MEGF6: variants seen among roughly 807,000 people sequenced by gnomAD.
MEGF6 encodes the protein multiple epidermal growth factor-like domains protein 6.
In MEGF6, 184 loss-of-function variants were observed where a neutral mutation model predicts 207.1. That is an observed-to-expected ratio of 0.89 (90% CI 0.79 to 1.00). The LOEUF (loss-of-function observed/expected upper bound fraction) is 1.00. Among genes scored for constraint, MEGF6 ranks in the 50% least tolerant of loss-of-function variants. MEGF6 has a pLI of 0.00. For synonymous variants in MEGF6, 1,038 were observed against 910.0 expected, an observed-to-expected ratio of 1.14 and a Z score of -2.53; for missense variants, 2,282 against 2,202.9, an observed-to-expected ratio of 1.04 and a Z score of -0.72.
At chr1:3,496,591 C>T in intron 29 of MEGF6, 64 bp downstream of exon 29, 1 of 1,545,648 alleles carries the variant, frequency 6.5e-7, no homozygotes, top group South Asian at 1.2e-5. Context: ...CTCCTGCAGG[C>T]TGGCTGGCCC....
At chr1:3,537,256 C>T (rs1387032176) in intron 4 of MEGF6, among the ~76,000 whole-genome samples, 3 of 152,256 alleles carry the variant, frequency 2.0e-5, no homozygotes. Flanking sequence ...AGCCAGGCCC[C>T]TGGGGATGGC....
intron 3 of MEGF6, among the ~76,000 whole-genome samples, chr1:3,591,936 A>C (rs2101829179): frequency 6.6e-6 from 1 of 152,192 alleles, no homozygotes; most frequent in East Asian, 1.9e-4. Context: ...CCTGGAGGGA[A>C]CTGAGCCCAG....
At chr1:3,539,101 TAG>T (rs1237365558) in intron 4 of MEGF6, among the ~76,000 whole-genome samples, 1 of 151,470 alleles carries the variant, frequency 6.6e-6, no homozygotes, top group Non-Finnish European at 1.5e-5. Flanking sequence ...GGGTGAGGGG[TAG>T]AGGATCAGGG....
chr1:3,500,533 G>A lies in MEGF6; in HGVS notation c.2707+100C>T, dbSNP rs116219328. Reference sequence around the variant, plus strand: ...CAAAGGCTTCGTGTGTGTGCGTGCAGGAGGGAGTACGGTCAAAGGCTTTGT... The same window carrying A: ...CAAAGGCTTCGTGTGTGTGCGTGCAAGAGGGAGTACGGTCAAAGGCTTTGT... On this transcript the variant is annotated intron_variant, in intron 21 of 36. Coordinates refer to ENST00000356575, the MANE Select transcript of MEGF6 (RefSeq NM_001409.4). 2.1e-3 allele frequency: 2,982 copies of A among 1,436,036 alleles called. 53 individuals are homozygous for A. In the African/African-American group the frequency reaches 0.037, roughly 18 times the overall value. The allele number at this position is 1,436,036 out of a possible 1,614,324, so 89.0% of individuals were successfully genotyped here. A position where few individuals can be genotyped will look rare whatever the true frequency, so the allele number is the denominator to read the frequency against.
chr1:3,562,682 G>A (rs1384886387), intron 4 of MEGF6, among the ~76,000 whole-genome samples: 1 of 152,212 alleles, frequency 6.6e-6, no homozygotes, highest in Admixed American at 6.5e-5. Flanking sequence ...AACCCCCCAG[G>A]TCGGAGAGCC....
At chr1:3,496,588 A>G in intron 29 of MEGF6, 67 bp downstream of exon 29, 1 of 1,543,246 alleles carries the variant, frequency 6.5e-7, no homozygotes, top group Non-Finnish European at 8.7e-7. Context: ...ATCCTCCTGC[A>G]GGCTGGCTGG....
chr1:3,597,578 C>G (rs773312564), intron 2 of MEGF6, among the ~76,000 whole-genome samples: 2 of 152,210 alleles, frequency 1.3e-5, no homozygotes, highest in African/African-American at 4.8e-5. Flanking sequence ...ATGGGGGACC[C>G]TAATCCAGTG....
At chr1:3,605,587 CAT>C (rs1644237179) in intron 1 of MEGF6, among the ~76,000 whole-genome samples, 1 of 151,990 alleles carries the variant, frequency 6.6e-6, no homozygotes, top group Non-Finnish European at 1.5e-5. Flanking sequence ...CACATACACT[CAT>C]ACAATGACAC....
chr1:3,596,612 A>G (rs1644071607), intron 2 of MEGF6, among the ~76,000 whole-genome samples: 1 of 85,564 alleles, frequency 1.2e-5, no homozygotes, highest in Non-Finnish European at 2.3e-5. Context: ...ACCCCAGGGC[A>G]CCCTGCGCCA....
At chr1:3,577,963 C>T (rs911984404) in intron 4 of MEGF6, among the ~76,000 whole-genome samples, 6 of 152,368 alleles carry the variant, frequency 3.9e-5, no homozygotes, top group African/African-American at 7.2e-5. Flanking sequence ...CTGTGCCTGC[C>T]GATGCCCCGG....
rs917799976 is a variant in MEGF6 at position 3,573,902 on chromosome 1, C to G, written c.481+5923G>C. Among the ~76,000 whole-genome samples the G allele has an allele frequency of 3.3e-5, 5 of 152,164 alleles. No individual in the cohort carries two copies. Among genetic ancestry groups the G allele is most frequent in the Non-Finnish European group, 7.4e-5 (5 of 68,012 alleles). On this transcript the variant is annotated intron_variant, in intron 4 of 36. Coordinates refer to ENST00000356575, the MANE Select transcript of MEGF6 (RefSeq NM_001409.4). This position sits in a 1 kb window ranked among gnomAD's most constrained non-coding sequence, Gnocchi z 5.1. Reference sequence around the variant, plus strand: ...TTAATCAATGGTCCCAGTTTAGAAACAGTCGCCCTGAGCCAACGCCAAGGG... The same window carrying G: ...TTAATCAATGGTCCCAGTTTAGAAAGAGTCGCCCTGAGCCAACGCCAAGGG...
At chr1:3,532,380 C>T (rs1013191596) in intron 4 of MEGF6, among the ~76,000 whole-genome samples, 11 of 152,240 alleles carry the variant, frequency 7.2e-5, no homozygotes, top group Non-Finnish European at 1.0e-4. Context: ...CCACTCCTAG[C>T]CTCCATGGAG....
chr1:3,539,386 G>A (rs751790588), intron 4 of MEGF6, among the ~76,000 whole-genome samples: 8 of 152,066 alleles, frequency 5.3e-5, no homozygotes, highest in Non-Finnish European at 8.8e-5. Context: ...CGGGAGAGGG[G>A]GAGGCTCAGG....
chr1:3,501,924 G>A lies in MEGF6; in HGVS notation c.2189-3C>T. ...GCCAAACGTCCCCACCGGGCACTCT[G>A]CAGGAGAAAGCACGAGGGGCCTTAG... is the stretch of plus-strand genomic sequence containing the variant. On this transcript the variant is annotated splice_polypyrimidine_tract_variant and splice_region_variant and intron_variant, in intron 17 of 36. Coordinates refer to ENST00000356575, the MANE Select transcript of MEGF6 (RefSeq NM_001409.4). 6.3e-7 allele frequency: 1 copy of A among 1,575,806 alleles called. No homozygotes were observed. Among genetic ancestry groups the A allele is most frequent in the Non-Finnish European group, 8.6e-7 (1 of 1,161,524 alleles).
intron 4 of MEGF6, among the ~76,000 whole-genome samples, chr1:3,529,590 G>T (rs889483296): frequency 6.6e-6 from 1 of 152,232 alleles, no homozygotes; most frequent in Admixed American, 6.5e-5. Flanking sequence ...CAAGAGAACT[G>T]TCAGCACACT....
At chr1:3,520,318 G>A (rs532276011) in intron 5 of MEGF6, among the ~76,000 whole-genome samples, 5 of 152,356 alleles carry the variant, frequency 3.3e-5, no homozygotes, top group Middle Eastern at 6.8e-3. Flanking sequence ...GGCCTCCAGC[G>A]CAGTGCTAGA....
Position 3,573,302 on chromosome 1 carries a change from A to G in MEGF6, c.481+6523T>C, listed in dbSNP as rs918034569. On this transcript the variant is annotated intron_variant, in intron 4 of 36. Transcript: ENST00000356575. The surrounding 1 kb of genome is among the most constrained non-coding windows in gnomAD (Gnocchi z 5.1). ...AGGTAACCCCTAGTCCTCCTGGGGC[A>G]TGCTAGGATCATTTCTCACACCAGA... Among the ~76,000 whole-genome samples the G allele has an allele frequency of 5.3e-5, 8 of 152,252 alleles. No individual in the cohort carries two copies. Among genetic ancestry groups the G allele is most frequent in the East Asian group, 1.9e-4 (1 of 5,188 alleles).
At chr1:3,613,740 T>A (rs555192906), upstream of MEGF6, among the ~76,000 whole-genome samples, 8 of 152,298 alleles carry the variant, frequency 5.3e-5, no homozygotes, top group East Asian at 1.5e-3. Context: ...TAAGTTATTT[T>A]ACAAAAATAC....
At position 3,611,077 on chromosome 1, in the gene MEGF6, C is replaced by A; in HGVS notation, c.131+61G>T. The stretch of plus-strand genomic sequence containing the variant: ...GCCTCGGAGCTCGGTCCACCACGGG[C>A]CTCCAGAGGCCCCGGGGTCCCTGGA... On this transcript the variant is annotated intron_variant, in intron 1 of 36. Coordinates refer to ENST00000356575, the MANE Select transcript of MEGF6 (RefSeq NM_001409.4). The A allele has an allele frequency of 2.8e-6, 4 of 1,411,740 alleles. No homozygotes were observed. The South Asian group carries it at 6.0e-5, about 21-fold the overall frequency. 87.5% of individuals were successfully genotyped at this position (1,411,740 alleles called of 1,614,324 possible).
Sources: allele counts gnomAD v4.1 joint callset (sites outside exome capture counted in the v4.1 genomes callset), GRCh38; gene constraint gnomAD v4.1.1; non-coding constraint Gnocchi (gnomAD v3.1); transcripts MANE v1.5; gene names NCBI Gene and HGNC (gene_info 2026-07-23, HGNC 2026-07-21).